The following UFSP2 variants were observed in gnomAD, a reference collection of about 807,000 sequenced individuals.
UFSP2 encodes the protein ufm1-specific protease 2.
In UFSP2, 43 loss-of-function variants were observed where a neutral mutation model predicts 60.2. That is an observed-to-expected ratio of 0.71 (90% confidence interval 0.56 to 0.92). The LOEUF is 0.92. UFSP2 is among the 40% of genes least tolerant of loss of function. UFSP2 has a pLI of 0.00. For missense variants in UFSP2, 520 were observed against 575.0 expected (o/e 0.90, Z 0.98); for synonymous variants, 183 against 195.1 (o/e 0.94, Z 0.52).
At position 185,407,384 on chromosome 4, in the gene UFSP2, C is replaced by T. The variant is rs146486129; in HGVS notation, c.1121+552G>A. Among the ~76,000 whole-genome samples the T allele has an allele frequency of 2.7e-3, 414 of 152,140 alleles. 1 individual carries two copies. The highest frequency in any genetic ancestry group is 5.2e-3 in the Admixed American group (80 of 15,276). On this transcript the variant is annotated intron_variant, in intron 9 of 11. Coordinates refer to ENST00000264689, the MANE Select transcript of UFSP2 (RefSeq NM_018359.5). ...ATGTATTTTAAAACATAAGCTCATACAATCAGGAGTCAGCTAGTTATGGTC... is the reference window on the plus strand; with the variant it reads ...ATGTATTTTAAAACATAAGCTCATATAATCAGGAGTCAGCTAGTTATGGTC...
intron 5 of UFSP2, 98 bp from the exon 6 acceptor site, chr4:185,415,445 G>T: frequency 9.5e-7 from 1 of 1,056,560 alleles, no homozygotes; most frequent in Non-Finnish European, 1.3e-6. Context: ...TAAAAAACTT[G>T]ATTGGACCAG....
In UFSP2 at chr4:185,422,506, A is replaced by G; in HGVS notation, c.61T>C (p.Phe21Leu). 1.9e-6 allele frequency: 3 copies of G among 1,611,584 alleles called. No individual in the cohort carries two copies. Among genetic ancestry groups the G allele is most frequent in the East Asian group, 4.5e-5 (2 of 44,810 alleles). ...FRIRGGLDLA[F>L]QLATPNEIFL... is the part of the protein sequence containing the mutation. Reference sequence around the variant, plus strand: ...CTACCATTAGGAGTAGCTAGCTGAAAAGCCAAATCAAGGCCTCCTCTTATT... The same window carrying G: ...CTACCATTAGGAGTAGCTAGCTGAAGAGCCAAATCAAGGCCTCCTCTTATT... Residue 21 changes from phenylalanine to leucine, a missense_variant, in exon 2 of 12, where the codon TTT becomes CTT. Coordinates refer to ENST00000264689, the MANE Select transcript of UFSP2 (RefSeq NM_018359.5).
chr4:185,401,596 CAA>C (rs1416183714), intron 11 of UFSP2, among the ~76,000 whole-genome samples: 1 of 152,156 alleles, frequency 6.6e-6, no homozygotes, highest in African/African-American at 2.4e-5. Context: ...CACAAGAAGG[CAA>C]AGAGGTCAGG....
At chr4:185,417,666 T>G (rs1285333580) in intron 4 of UFSP2, among the ~76,000 whole-genome samples, 1 of 152,206 alleles carries the variant, frequency 6.6e-6, no homozygotes, top group African/African-American at 2.4e-5. Context: ...ACTTCGTGCC[T>G]TGAAGACGCA....
intron 7 of UFSP2, among the ~76,000 whole-genome samples, chr4:185,409,886 G>C (rs1318709732): frequency 6.6e-6 from 1 of 152,118 alleles, no homozygotes; most frequent in African/African-American, 2.4e-5. Flanking sequence ...ACAAACCAAA[G>C]GATGCTGGCA....
intron 2 of UFSP2, among the ~76,000 whole-genome samples, chr4:185,420,800 C>A (rs1021510672): frequency 4.6e-5 from 7 of 152,070 alleles, no homozygotes; most frequent in Admixed American, 2.6e-4. Flanking sequence ...TGAGTGTTGA[C>A]AGAGTTTGAT....
intron 2 of UFSP2, among the ~76,000 whole-genome samples, chr4:185,420,178 G>A (rs2095546815): frequency 2.9e-4 from 1 of 3,418 alleles, no homozygotes; most frequent in Non-Finnish European, 1.3e-3. Flanking sequence ...CTAAAGTCAC[G>A]GTTGGTTTTT....
In UFSP2 at chr4:185,403,493, C is replaced by A. The variant is rs533356903; in HGVS notation, c.1323+1G>T. 6.8e-6 allele frequency: 11 copies of A among 1,611,996 alleles called. No homozygotes were observed. Among genetic ancestry groups the A allele is most frequent in the East Asian group, 4.5e-5 (2 of 44,860 alleles). On this transcript the variant is annotated splice_donor_variant, in intron 11 of 11. Transcript: ENST00000264689. LOFTEE classifies it high-confidence loss of function. ...TCAATTTGTGTTAAATGGATACTTA[C>A]CTTTTCCAAAATAACTTGCAGGTCT...
intron 2 of UFSP2, among the ~76,000 whole-genome samples, chr4:185,419,422 G>A (rs371539786): frequency 1.3e-5 from 2 of 152,128 alleles, no homozygotes; most frequent in Non-Finnish European, 2.9e-5. Flanking sequence ...GAGCCACCGC[G>A]CCTGGCCCTC....
chr4:185,425,718 C>T lies in UFSP2; in HGVS notation c.3+148G>A, dbSNP rs925738393. The stretch of plus-strand genomic sequence containing the variant: ...CCGGCCCAGCGCGGAGACAGGCGAA[C>T]TGGAGAGCCGCCCTGCCCACGCAGC... On this transcript the variant is annotated intron_variant, in intron 1 of 11. Transcript: ENST00000264689. 4.0e-6 allele frequency: 5 copies of T among 1,250,284 alleles called. No homozygotes were observed. The African/African-American group carries it at 7.4e-5, about 18-fold the overall frequency. 77.4% of individuals were successfully genotyped at this position (1,250,284 alleles called of 1,614,324 possible).
intron 2 of UFSP2, among the ~76,000 whole-genome samples, chr4:185,420,963 T>C (rs539104052): frequency 4.8e-4 from 73 of 152,362 alleles, no homozygotes; most frequent in African/African-American, 1.6e-3. Context: ...TAGTAAAGTA[T>C]GTTTTCAGTT....
chr4:185,407,017 C>CTT (rs34710879), intron 9 of UFSP2, among the ~76,000 whole-genome samples: 2 of 99,092 alleles, frequency 2.0e-5, no homozygotes, highest in African/African-American at 3.5e-5. Flanking sequence ...TTTGGCTTTT[C>CTT]TTTTTTTTTT....
At chr4:185,421,745 C>A (rs1320427032) in intron 2 of UFSP2, among the ~76,000 whole-genome samples, 2 of 152,134 alleles carry the variant, frequency 1.3e-5, no homozygotes, top group African/African-American at 4.8e-5. Flanking sequence ...CTTTTAATTC[C>A]TGATCTTTCT....
chr4:185,425,862 T>C lies in UFSP2; in HGVS notation c.3+4A>G. ...AGGGGTCGGTGACGAGCAGAGATAC[T>C]CACCATGTCCGCGACGTGGCGGTGA... On this transcript the variant is annotated splice_donor_region_variant and intron_variant, in intron 1 of 11. Coordinates refer to ENST00000264689, the MANE Select transcript of UFSP2 (RefSeq NM_018359.5). The C allele has an allele frequency of 6.2e-7, 1 of 1,604,384 alleles. No individual in the cohort carries two copies.
At chr4:185,406,462 G>C (rs997363178) in intron 9 of UFSP2, among the ~76,000 whole-genome samples, 7 of 152,286 alleles carry the variant, frequency 4.6e-5, no homozygotes, top group African/African-American at 1.7e-4. Flanking sequence ...TTTGGGGGAA[G>C]GTGCCCGGTG....
At chr4:185,416,756 A>G (rs1175579846) in intron 4 of UFSP2, among the ~76,000 whole-genome samples, 2 of 152,240 alleles carry the variant, frequency 1.3e-5, no homozygotes, top group African/African-American at 4.8e-5. Flanking sequence ...AAGGCACTGG[A>G]GCCAGCTTGA....
chr4:185,407,021 T>C (rs1397644904), intron 9 of UFSP2, among the ~76,000 whole-genome samples: 4 of 105,526 alleles, frequency 3.8e-5, no homozygotes, highest in African/African-American at 1.9e-4. Flanking sequence ...GCTTTTCTTT[T>C]TTTTTTTTTT....
intron 10 of UFSP2, among the ~76,000 whole-genome samples, chr4:185,405,546 T>C (rs2095519340): frequency 6.6e-6 from 1 of 152,380 alleles, no homozygotes; most frequent in Admixed American, 6.5e-5. Flanking sequence ...CTTTAAATGT[T>C]TGAACATAGC....
chr4:185,411,731 C>T (rs1003893145), intron 7 of UFSP2, among the ~76,000 whole-genome samples: 7 of 151,850 alleles, frequency 4.6e-5, no homozygotes, highest in African/African-American at 1.2e-4. Flanking sequence ...ACATATGTAT[C>T]GAGAGGTATA....
Sources: allele counts gnomAD v4.1 joint callset (sites outside exome capture counted in the v4.1 genomes callset), GRCh38; gene constraint gnomAD v4.1.1; transcripts MANE v1.5; gene names NCBI Gene and HGNC (gene_info 2026-07-23, HGNC 2026-07-21).